The following IPO7 variants were observed in gnomAD, a reference collection of about 807,000 sequenced individuals.
IPO7 encodes importin-7.
In IPO7, 13 loss-of-function variants were observed where a neutral mutation model predicts 136.4. The observed-to-expected ratio is 0.10, with a 90% CI of 0.06 to 0.15. The LOEUF is 0.15. Ranked by LOEUF, IPO7 falls within the 10% of genes least tolerant of loss-of-function variation. The pLI, the probability that IPO7 is intolerant of heterozygous loss-of-function variation, is 1.00. For missense variants in IPO7, 857 were observed against 1,240.6 expected, an observed-to-expected ratio of 0.69 and a Z score of 4.65; for synonymous variants, 403 against 404.4, an observed-to-expected ratio of 1.00 and a Z score of 0.04.
Position 9,423,152 on chromosome 11 carries a change from T to C in IPO7, c.1041+12T>C, listed in dbSNP as rs1167543361. The C allele has an allele frequency of 1.3e-6, 2 of 1,521,122 alleles. No homozygotes were observed. The highest frequency in any genetic ancestry group is 4.5e-5 in the East Asian group (2 of 44,306). 94.2% of individuals were successfully genotyped at this position (1,521,122 alleles called of 1,614,324 possible). ...AGCCCCATATACAAGTAATAATTTTTATCTGAAATGTTTTTATAGTAAATA... is the reference window on the plus strand; with the variant it reads ...AGCCCCATATACAAGTAATAATTTTCATCTGAAATGTTTTTATAGTAAATA... On this transcript the variant is annotated intron_variant, in intron 9 of 24. Transcript: ENST00000379719.
intron 4 of IPO7, among the ~76,000 whole-genome samples, chr11:9,413,024 C>T (rs1178288354): frequency 5.3e-5 from 8 of 150,942 alleles, no homozygotes; most frequent in Admixed American, 1.3e-4. Context: ...GGACTATAGG[C>T]GCCCGCCACC....
In IPO7 at chr11:9,420,635, T is replaced by G. The variant is rs1339263926; in HGVS notation, c.843T>G (p.Val281=). 1.9e-6 allele frequency: 3 copies of G among 1,613,054 alleles called. No homozygotes were observed. Among genetic ancestry groups the G allele is most frequent in the Non-Finnish European group, 2.5e-6 (3 of 1,179,212 alleles). ...TTAGATATGGAAGCCCTGGCAATGTTTCCAAGGAGTATAATGAATTTGCTG... is the reference window on the plus strand; with the variant it reads ...TTAGATATGGAAGCCCTGGCAATGTGTCCAAGGAGTATAATGAATTTGCTG... ...LFERYGSPGN[V]SKEYNEFAEV... is the part of the protein sequence containing the mutation. Residue 281 remains valine (V), a synonymous_variant, in exon 8 of 25, where the codon GTT becomes GTG. Transcript: ENST00000379719.
At chr11:9,435,161 A>T in intron 19 of IPO7, 130 bp downstream of exon 19, 1 of 624,826 alleles carries the variant, frequency 1.6e-6, no homozygotes, top group Non-Finnish European at 2.8e-6. Flanking sequence ...TAAGGGCTTT[A>T]AAAGTTAAAA....
At chr11:9,428,427 G>A in intron 12 of IPO7, 113 bp from the exon 13 acceptor site, 1 of 487,448 alleles carries the variant, frequency 2.1e-6, no homozygotes, top group African/African-American at 1.9e-5. Context: ...TTCAAAGAAT[G>A]AGAATAAATA....
At chr11:9,405,999 C>T (rs1303662863) in intron 2 of IPO7, among the ~76,000 whole-genome samples, 8 of 150,120 alleles carry the variant, frequency 5.3e-5, no homozygotes, top group Non-Finnish European at 1.0e-4. Flanking sequence ...AATAATCTTT[C>T]TACTTTAGCC....
intron 8 of IPO7, among the ~76,000 whole-genome samples, chr11:9,422,136 A>G (rs1855141773): frequency 6.6e-6 from 1 of 151,580 alleles, no homozygotes; most frequent in South Asian, 2.1e-4. Flanking sequence ...AAAATCAGCC[A>G]GGTGTGGTGG....
intron 1 of IPO7, chr11:9,392,126 A>G (rs1854641738): frequency 5.8e-6 from 2 of 347,122 alleles, no homozygotes; most frequent in South Asian, 4.4e-5. Flanking sequence ...TATGCCTTAT[A>G]TTTCATGTAG....
chr11:9,421,457 GTC>G (rs759142075), intron 8 of IPO7, among the ~76,000 whole-genome samples: 112 of 130,578 alleles, frequency 8.6e-4, no homozygotes, highest in Middle Eastern at 5.5e-3. Flanking sequence ...GTGAAACCCC[GTC>G]TCTACTAAAA....
chr11:9,407,711 A>G (rs371608383), intron 2 of IPO7, among the ~76,000 whole-genome samples: 38 of 152,340 alleles, frequency 2.5e-4, no homozygotes, highest in African/African-American at 9.1e-4. Context: ...GACTTGAGAT[A>G]AGAATTGCTA....
chr11:9,436,487 C>A, intron 20 of IPO7, 121 bp downstream of exon 20: 1 of 586,982 alleles, frequency 1.7e-6, no homozygotes, highest in Non-Finnish European at 3.0e-6. Flanking sequence ...GACATCTAGA[C>A]AACTAATATT....
At chr11:9,439,559 G>T (rs1159265602) in intron 22 of IPO7, among the ~76,000 whole-genome samples, 1 of 151,846 alleles carries the variant, frequency 6.6e-6, no homozygotes, top group East Asian at 1.9e-4. Flanking sequence ...AAGATTTATG[G>T]GGGTTTTTTT....
chr11:9,429,687 C>T lies in IPO7; in HGVS notation c.1605C>T (p.Ile535=). ...ISNQEKAKEY[I]TPFIRPVMQA... ...TTTCTCTTACAGCTAAAGAATATAT[C>T]ACACCATTCATCAGACCTGTAATGC... The change falls in exon 15 of 25, where the codon ATC becomes ATT. Residue 535 remains isoleucine, a synonymous_variant. Transcript: ENST00000379719. The T allele has an allele frequency of 6.2e-7, 1 of 1,606,592 alleles. No individual in the cohort carries two copies. The highest frequency in any genetic ancestry group is 8.5e-7 in the Non-Finnish European group (1 of 1,178,256).
chr11:9,395,216 T>C (rs1316511703), intron 1 of IPO7, among the ~76,000 whole-genome samples: 1 of 152,186 alleles, frequency 6.6e-6, no homozygotes, highest in East Asian at 1.9e-4. Context: ...ACTAGTGATA[T>C]TTTTAATTAA....
intron 1 of IPO7, among the ~76,000 whole-genome samples, chr11:9,398,400 G>A (rs1854745456): frequency 1.3e-5 from 2 of 152,202 alleles, no homozygotes; most frequent in South Asian, 4.1e-4. Flanking sequence ...GCAATAGGGA[G>A]CCCTACTTTA....
At chr11:9,389,692 T>G (rs545411594) in intron 1 of IPO7, among the ~76,000 whole-genome samples, 1 of 152,324 alleles carries the variant, frequency 6.6e-6, no homozygotes, top group South Asian at 2.1e-4. Flanking sequence ...ATTAGAGGGT[T>G]TACCCAGGAG....
chr11:9,436,900 T>C (rs1855384368), intron 20 of IPO7, among the ~76,000 whole-genome samples: 1 of 103,570 alleles, frequency 9.7e-6, no homozygotes, highest in South Asian at 3.5e-4. Flanking sequence ...TTTTTTTTTT[T>C]TTTGAGACGC....
chr11:9,418,603 A>G (rs1281856481), intron 6 of IPO7, among the ~76,000 whole-genome samples: 1 of 152,208 alleles, frequency 6.6e-6, no homozygotes, highest in Non-Finnish European at 1.5e-5. Context: ...CACCCTCCAT[A>G]GGAAACTAGT....
chr11:9,410,802 A>C (rs1854958141), intron 4 of IPO7, among the ~76,000 whole-genome samples: 3 of 152,254 alleles, frequency 2.0e-5, no homozygotes, highest in South Asian at 2.1e-4. Context: ...GTTTGATGGG[A>C]TATTACGAGG....
Position 9,419,559 on chromosome 11 carries a change from A to ATAT in IPO7, c.727-852_727-851insTAT, listed in dbSNP as rs1554954689. Among the ~76,000 whole-genome samples the ATAT allele has an allele frequency of 3.8e-3, 447 of 116,814 alleles. 3 individuals carry two copies. Among genetic ancestry groups the ATAT allele is most frequent in the African/African-American group, 9.0e-3 (240 of 26,648 alleles). 76.6% of individuals were successfully genotyped at this position (116,814 alleles called of 152,430 possible). ...GAGACTCTGTCTAAAAAAAAAAAAAAATATATATATATATATATATATATA... is the reference window on the plus strand; with the variant it reads ...GAGACTCTGTCTAAAAAAAAAAAAAATATATATATATATATATATATATATATA... On this transcript the variant is annotated intron_variant, in intron 6 of 24. Transcript: ENST00000379719.
Sources: allele counts gnomAD v4.1 joint callset (sites outside exome capture counted in the v4.1 genomes callset), GRCh38; gene constraint gnomAD v4.1.1; transcripts MANE v1.5; gene names NCBI Gene and HGNC (gene_info 2026-07-23, HGNC 2026-07-21).